ATP9A: variants seen among roughly 807,000 people sequenced by gnomAD.
The protein encoded by ATP9A is probable phospholipid-transporting ATPase IIA.
In ATP9A, 52 loss-of-function variants were observed where a neutral mutation model predicts 144.1. That is an observed-to-expected ratio of 0.36 (90% CI 0.29 to 0.45). The LOEUF is 0.45. Ranked by LOEUF, ATP9A falls within the 20% of genes least tolerant of loss-of-function variation. The pLI is 1.00. For synonymous variants in ATP9A, 582 were observed against 557.4 expected (o/e 1.04, Z -0.62); for missense variants, 947 against 1,392.7 (o/e 0.68, Z 5.09).
At chr20:51,677,161 T>A (rs2077480971) in intron 9 of ATP9A, among the ~76,000 whole-genome samples, 1 of 151,788 alleles carries the variant, frequency 6.6e-6, no homozygotes. Context: ...CTTGAATTCC[T>A]GGATTCAAGT....
chr20:51,646,357 G>A (rs888383599), intron 14 of ATP9A, among the ~76,000 whole-genome samples: 20 of 152,192 alleles, frequency 1.3e-4, no homozygotes, highest in African/African-American at 2.2e-4. Flanking sequence ...CGTATGATAC[G>A]AGGCGGGAAT....
At chr20:51,683,734 C>T (rs1048020002) in intron 9 of ATP9A, among the ~76,000 whole-genome samples, 1 of 152,118 alleles carries the variant, frequency 6.6e-6, no homozygotes, top group African/African-American at 2.4e-5. Context: ...CACTTTCATT[C>T]CCCATAAGGC....
At position 51,713,191 on chromosome 20, in the gene ATP9A, G is replaced by C; in HGVS notation, c.328-117C>G. The C allele has an allele frequency of 3.5e-6, 3 of 853,430 alleles. No homozygotes were observed. The Admixed American group carries it at 6.0e-5, about 17-fold the overall frequency. 52.9% of individuals were successfully genotyped at this position (853,430 alleles called of 1,614,324 possible). A position where few individuals can be genotyped will look rare whatever the true frequency, so the allele number is the denominator to read the frequency against. ...AGAGGTCACTTGGGAGGGCAGGGGG[G>C]CAGGACCTGTGAGTTATTCCAAATG... On this transcript the variant is annotated intron_variant, in intron 3 of 27. Transcript: ENST00000338821.
chr20:51,610,654 G>C (rs1384821450), intron 23 of ATP9A, among the ~76,000 whole-genome samples: 1 of 151,820 alleles, frequency 6.6e-6, no homozygotes, highest in Non-Finnish European at 1.5e-5. Flanking sequence ...CCCAGCTGTG[G>C]CCACAGCTCT....
chr20:51,748,392 G>T (rs1385502151), intron 1 of ATP9A, among the ~76,000 whole-genome samples: 1 of 152,094 alleles, frequency 6.6e-6, no homozygotes, highest in African/African-American at 2.4e-5. Flanking sequence ...ATAAACACAG[G>T]GTCCAGTGGG....
intron 14 of ATP9A, among the ~76,000 whole-genome samples, chr20:51,649,707 G>A (rs1035864661): frequency 1.1e-4 from 16 of 152,088 alleles, no homozygotes; most frequent in Admixed American, 1.0e-3. Context: ...TTGAGGTCAG[G>A]AGCTCGAGAC....
At chr20:51,754,430 G>C (rs1378388177) in intron 1 of ATP9A, among the ~76,000 whole-genome samples, 1 of 150,678 alleles carries the variant, frequency 6.6e-6, no homozygotes, top group Non-Finnish European at 1.5e-5. Flanking sequence ...TTGAACCCAG[G>C]AGGCGGAGGT....
At chr20:51,724,660 G>C (rs1020646139) in intron 3 of ATP9A, among the ~76,000 whole-genome samples, 9 of 152,176 alleles carry the variant, frequency 5.9e-5, no homozygotes, top group African/African-American at 2.2e-4. Context: ...AGAAATATTT[G>C]TCTACTCTGT....
chr20:51,628,862 A>G (rs2077260095), intron 16 of ATP9A, 118 bp downstream of exon 16: 1 of 778,952 alleles, frequency 1.3e-6, no homozygotes, highest in Admixed American at 2.1e-5. Context: ...GCTGCATTTC[A>G]GGGTGGTTTG....
intron 1 of ATP9A, among the ~76,000 whole-genome samples, chr20:51,748,657 G>A (rs898301368): frequency 6.6e-6 from 1 of 152,192 alleles, no homozygotes; most frequent in Non-Finnish European, 1.5e-5. Context: ...CCTCAGGGAG[G>A]ACATTTTGAC....
chr20:51,651,385 TATA>T (rs1246742871), intron 14 of ATP9A, among the ~76,000 whole-genome samples: 9 of 144,192 alleles, frequency 6.2e-5, no homozygotes, highest in Non-Finnish European at 1.4e-4. Context: ...TTTACATATT[TATA>T]ATATGTAAAT....
chr20:51,657,213 G>C, intron 13 of ATP9A, 63 bp from the exon 14 acceptor site: 3 of 1,352,234 alleles, frequency 2.2e-6, no homozygotes, highest in Admixed American at 1.8e-5. Flanking sequence ...GAGAGTGGAA[G>C]AACAGCCGTG....
chr20:51,674,356 T>G, intron 10 of ATP9A, 43 bp from the exon 11 acceptor site: 1 of 1,600,500 alleles, frequency 6.2e-7, no homozygotes, highest in South Asian at 1.1e-5. Flanking sequence ...TGAGCTGGTG[T>G]AACTAATCTC....
intron 15 of ATP9A, among the ~76,000 whole-genome samples, chr20:51,630,492 C>A (rs1361393962): frequency 6.6e-6 from 1 of 152,054 alleles, no homozygotes; most frequent in Non-Finnish European, 1.5e-5. Context: ...CACCTGAGGT[C>A]AGGAGTTCGA....
chr20:51,685,403 C>T (rs1405726684), intron 9 of ATP9A, among the ~76,000 whole-genome samples: 1 of 151,658 alleles, frequency 6.6e-6, no homozygotes, highest in East Asian at 1.9e-4. Flanking sequence ...TACTAAAAAT[C>T]CAAAAAAAGT....
intron 3 of ATP9A, among the ~76,000 whole-genome samples, chr20:51,718,212 C>T (rs2077670752): frequency 6.6e-6 from 1 of 152,084 alleles, no homozygotes; most frequent in Admixed American, 6.6e-5. Flanking sequence ...ATCTATAAAA[C>T]ATGCATCTGC....
chr20:51,732,777 C>T (rs890150520), intron 1 of ATP9A, among the ~76,000 whole-genome samples: 1 of 151,712 alleles, frequency 6.6e-6, no homozygotes, highest in African/African-American at 2.4e-5. Flanking sequence ...TCACTGAATA[C>T]ATTTTGAATG....
chr20:51,671,959 G>A (rs747480719), intron 11 of ATP9A, among the ~76,000 whole-genome samples: 5 of 151,606 alleles, frequency 3.3e-5, no homozygotes, highest in Non-Finnish European at 2.9e-5. Flanking sequence ...CCACCACGCC[G>A]GGCTAATTTT....
chr20:51,696,351 T>C (rs542886364), intron 5 of ATP9A, among the ~76,000 whole-genome samples: 1 of 152,368 alleles, frequency 6.6e-6, no homozygotes, highest in African/African-American at 2.4e-5. Context: ...TGCACACTGC[T>C]GCTACTTTAC....
Sources: gnomAD v4.1 joint callset for allele counts (sites outside exome capture counted in the v4.1 genomes callset) on GRCh38, gnomAD v4.1.1 for gene constraint, MANE v1.5 for transcripts, NCBI Gene and HGNC (gene_info 2026-07-23, HGNC 2026-07-21) for gene names.